The following SPOCK2 variants were observed in gnomAD, a reference collection of about 807,000 sequenced individuals.
The protein encoded by SPOCK2 is testican-2.
SPOCK2 carries 39 observed loss-of-function variants against 60.1 expected under a neutral mutation model. The ratio of observed to expected loss-of-function variants is 0.65; its 90% CI spans 0.50 to 0.85. The LOEUF (loss-of-function observed/expected upper bound fraction) is 0.85, where lower values mean the gene tolerates loss of function less well. Ranked by LOEUF, SPOCK2 falls within the 40% of genes least tolerant of loss-of-function variation. The pLI is 0.00. For synonymous variants in SPOCK2, 217 were observed against 231.5 expected (o/e 0.94, Z 0.57); for missense variants, 523 against 567.4 (o/e 0.92, Z 0.80).
intron 1 of SPOCK2, among the ~76,000 whole-genome samples, chr10:72,082,049 C>T (rs1419381414): frequency 2.0e-5 from 3 of 152,168 alleles, no homozygotes; most frequent in Non-Finnish European, 4.4e-5. Context: ...CAGGGGATCA[C>T]GATGGGAGGA....
At chr10:72,076,278 G>A (rs1274733812) in intron 1 of SPOCK2, among the ~76,000 whole-genome samples, 1 of 152,188 alleles carries the variant, frequency 6.6e-6, no homozygotes, top group Non-Finnish European at 1.5e-5. Flanking sequence ...GGTGTGGGCT[G>A]GCGCCACCTT....
At position 72,066,930 on chromosome 10, in the gene SPOCK2, A is replaced by G. The variant is rs1390350036; in HGVS notation, c.900T>C (p.Ala300=). The G allele has an allele frequency of 2.5e-6, 4 of 1,614,096 alleles. No individual in the cohort carries two copies. Among genetic ancestry groups the G allele is most frequent in the African/African-American group, 2.7e-5 (2 of 74,932 alleles). The change falls in exon 8 of 11, where the codon GCT becomes GCC. Residue 300 remains alanine, a synonymous_variant. Transcript: ENST00000373109. ...CCCTCCAGAAGCAGAAGCACCACTC[A>G]GCAGTAGAGACCCGGCCATCCTTGT... ...DTYKDGRVST[A]EWCFCFWREK... is the part of the protein sequence containing the mutation.
chr10:72,067,501 G>T, intron 7 of SPOCK2, 112 bp downstream of exon 7: 1 of 1,533,680 alleles, frequency 6.5e-7, no homozygotes, highest in Non-Finnish European at 8.8e-7. Context: ...CAGATTGTAG[G>T]GCCCAGAGTC....
chr10:72,080,759 G>A (rs988547627), intron 1 of SPOCK2, among the ~76,000 whole-genome samples: 1 of 152,170 alleles, frequency 6.6e-6, no homozygotes, highest in Non-Finnish European at 1.5e-5. Flanking sequence ...TGCCCTCAGA[G>A]GAATTTCCTT....
rs141976391 is a variant in SPOCK2, at chr10:72,088,230, C to G, written c.99G>C (p.Glu33Asp). The change falls in exon 1 of 11, where the codon GAG (glutamate) becomes GAC (aspartate). Residue 33 changes from glutamate (E) to aspartate (D), a missense_variant. Glu to Asp is a conservative substitution (Grantham distance 45). Transcript: ENST00000373109. ...CGTCCTCCATGAAATTGCCGGGGGT[C>G]TCGCCCTCCTTGAGCCCCTTGGCGT... ...EGDAKGLKEG[E>D]TPGNFMEDEQ... 4.1e-5 allele frequency: 66 copies of G among 1,612,252 alleles called. 1 individual carries two copies. In the African/African-American group the frequency reaches 7.9e-4, roughly 19 times the overall value.
chr10:72,064,201 T>C lies in SPOCK2; in HGVS notation c.968A>G (p.Gln323Arg). ...ACCTGGCTTCTTCTTGGCGGCCTCC[T>C]GGATCTGGATGCGCTCCAGCTCTGC... ...CLAELERIQI[Q>R]EAAKKKPGIF... Residue 323 changes from glutamine (Q) to arginine (R), a missense_variant, in exon 9 of 11, where the codon CAG (glutamine) becomes CGG (arginine). By Grantham distance (43) the Gln-to-Arg change is conservative (BLOSUM62 1). Coordinates refer to ENST00000373109, the MANE Select transcript of SPOCK2 (RefSeq NM_001244950.2). 1.2e-6 allele frequency: 2 copies of C among 1,611,364 alleles called. No individual in the cohort carries two copies. The highest frequency in any genetic ancestry group is 1.7e-6 in the Non-Finnish European group (2 of 1,179,110).
intron 1 of SPOCK2, among the ~76,000 whole-genome samples, chr10:72,082,837 G>A (rs1272443016): frequency 1.5e-5 from 2 of 130,270 alleles, no homozygotes; most frequent in Non-Finnish European, 3.1e-5. Flanking sequence ...CTGGGTGACA[G>A]AGTGAGACCC....
chr10:72,063,287 G>T, intron 9 of SPOCK2, 125 bp from the exon 10 acceptor site: 1 of 1,383,426 alleles, frequency 7.2e-7, no homozygotes, highest in Admixed American at 2.5e-5. Flanking sequence ...GCCAGACCGG[G>T]TGCTGACCCC....
chr10:72,079,843 G>A (rs1840760220), intron 1 of SPOCK2, among the ~76,000 whole-genome samples: 1 of 152,074 alleles, frequency 6.6e-6, no homozygotes, highest in Non-Finnish European at 1.5e-5. Context: ...CAAGGACTCA[G>A]GGGCCTGGGC....
chr10:72,077,641 G>A (rs1310067471), intron 1 of SPOCK2, among the ~76,000 whole-genome samples: 1 of 152,164 alleles, frequency 6.6e-6, no homozygotes, highest in African/African-American at 2.4e-5. Context: ...CCCCAAACAC[G>A]GGGCCTCTGG....
In SPOCK2 at chr10:72,068,398, G is replaced by C. The variant is rs966844554; in HGVS notation, c.475-97C>G. On this transcript the variant is annotated intron_variant, in intron 5 of 10. Coordinates refer to ENST00000373109, the MANE Select transcript of SPOCK2 (RefSeq NM_001244950.2). Reference sequence around the variant, plus strand: ...CAAGCCTCTCATGGCAGCCACATCTGCCTCCCCCCATGGAGTGCCCATGAA... The same window carrying C: ...CAAGCCTCTCATGGCAGCCACATCTCCCTCCCCCCATGGAGTGCCCATGAA... 1.2e-5 allele frequency: 16 copies of C among 1,309,680 alleles called. No individual in the cohort carries two copies. The Admixed American group carries it at 3.0e-4, about 24-fold the overall frequency. The allele number at this position is 1,309,680 out of a possible 1,614,324, so 81.1% of individuals were successfully genotyped here. A position where few individuals can be genotyped will look rare whatever the true frequency, so the allele number is the denominator to read the frequency against.
At chr10:72,083,936 G>A (rs1840821724) in intron 1 of SPOCK2, among the ~76,000 whole-genome samples, 2 of 152,168 alleles carry the variant, frequency 1.3e-5, no homozygotes, top group African/African-American at 4.8e-5. Context: ...CACACTCGCA[G>A]TGGTTTAGGT....
At chr10:72,081,516 C>T (rs747089304) in intron 1 of SPOCK2, among the ~76,000 whole-genome samples, 62 of 152,332 alleles carry the variant, frequency 4.1e-4, no homozygotes, top group Admixed American at 1.2e-3. Context: ...CCTGTCTCCA[C>T]CATCCACATG....
In SPOCK2 at chr10:72,062,820, C is replaced by T; in HGVS notation, c.1215G>A (p.Glu405=). ...CCTCGCCCTCCTCCTCCTCGGCCTC[C>T]TCGCCTGCTTCCTCCGTCTCCTTCT... ...EEEKETEEAG[E]EAEEEEGEAG... is the part of the protein sequence containing the mutation. Residue 405 remains glutamate, a synonymous_variant, in exon 11 of 11, where the codon GAG becomes GAA. Transcript: ENST00000373109. This position sits in a 1 kb window ranked among gnomAD's most constrained non-coding sequence, Gnocchi z 4.3. The T allele has an allele frequency of 6.2e-7, 1 of 1,610,262 alleles. No homozygotes were observed. Among genetic ancestry groups the T allele is most frequent in the Non-Finnish European group, 8.5e-7 (1 of 1,179,772 alleles).
At chr10:72,064,284 C>A in intron 8 of SPOCK2, 44 bp from the exon 9 acceptor site, 1 of 1,526,840 alleles carries the variant, frequency 6.5e-7, no homozygotes, top group South Asian at 1.3e-5. Context: ...TCCCCTGGTG[C>A]TGGGGGGATG....
At chr10:72,068,152 G>T (rs759943942) in intron 6 of SPOCK2, 35 bp downstream of exon 6, 26 of 1,583,360 alleles carry the variant, frequency 1.6e-5, no homozygotes, top group African/African-American at 2.7e-5. Flanking sequence ...TGGCCCTTCA[G>T]CACCCCTAGC....
rs1042877524 is a variant in SPOCK2 at position 72,066,944 on chromosome 10, G to A, written c.886C>T (p.Arg296Trp). The A allele has an allele frequency of 8.1e-6, 13 of 1,614,042 alleles. No individual in the cohort carries two copies. The highest frequency in any genetic ancestry group is 2.2e-5 in the South Asian group (2 of 91,084). ...FNSCDTYKDGRVSTAEWCFCF... is the reference protein window; with the variant it reads ...FNSCDTYKDGWVSTAEWCFCF... ...AAGCACCACTCAGCAGTAGAGACCC[G>A]GCCATCCTTGTAGGTGTCACAGGAG... Residue 296 changes from arginine to tryptophan, a missense_variant, in exon 8 of 11, where the codon CGG becomes TGG. Coordinates refer to ENST00000373109, the MANE Select transcript of SPOCK2 (RefSeq NM_001244950.2).
Position 72,086,892 on chromosome 10 carries a change from A to G in SPOCK2, c.189+1248T>C, listed in dbSNP as rs1436931362. The stretch of plus-strand genomic sequence containing the variant: ...TAGCCTATGAAGCATGTGTGTTTTA[A>G]ACAAATTTCCAAGGAACTTGTGGAT... On this transcript the variant is annotated intron_variant, in intron 1 of 10. Transcript: ENST00000373109. 4 of 1,551,258 alleles carry G rather than the reference A, an allele frequency of 2.6e-6. No homozygotes were observed. The East Asian group carries it at 7.3e-5, about 28-fold the overall frequency.
chr10:72,075,922 C>G (rs1002352061), intron 1 of SPOCK2, among the ~76,000 whole-genome samples: 4 of 152,180 alleles, frequency 2.6e-5, no homozygotes, highest in African/African-American at 9.7e-5. Flanking sequence ...CACCCGACCT[C>G]GAGGGGCTCA....
Sources: gnomAD v4.1 joint callset for allele counts (sites outside exome capture counted in the v4.1 genomes callset) on GRCh38, gnomAD v4.1.1 for gene constraint, Gnocchi (gnomAD v3.1) non-coding constraint, MANE v1.5 for transcripts, NCBI Gene and HGNC (gene_info 2026-07-23, HGNC 2026-07-21) for gene names.